The following SAMD5 variants were observed in gnomAD, a reference collection of about 807,000 sequenced individuals.
SAMD5 encodes the protein sterile alpha motif domain-containing protein 5.
SAMD5 carries 13 observed loss-of-function variants against 11.3 expected under a neutral mutation model. The observed-to-expected ratio is 1.15, with a 90% CI of 0.75 to 1.83. The LOEUF is 1.83. SAMD5 is among the 40% of genes most tolerant of loss of function. The probability of loss-of-function intolerance (pLI) is 0.00; values close to 1 mark genes in which losing one functional copy is unlikely to be tolerated. For missense variants in SAMD5, 255 were observed against 239.1 expected (o/e 1.07, Z -0.44); for synonymous variants, 129 against 111.3 (o/e 1.16, Z -1.00).
chr6:147,707,356 C>G (rs1791338071), intron 1 of SAMD5, among the ~76,000 whole-genome samples: 1 of 152,102 alleles, frequency 6.6e-6, no homozygotes, highest in Admixed American at 6.6e-5. Flanking sequence ...AGCATGTTTA[C>G]AGAGTTTGTA....
the SAMD5 span, chr6:147,953,739 A>T: frequency 6.6e-6 from 1 of 152,186 alleles, no homozygotes; most frequent in African/African-American, 2.4e-5. Context: ...GTAATGTGTA[A>T]AAGTTTTCAA....
chr6:147,559,228 A>G (rs1477995797), intron 1 of SAMD5, among the ~76,000 whole-genome samples: 1 of 152,208 alleles, frequency 6.6e-6, no homozygotes, highest in East Asian at 1.9e-4. Flanking sequence ...TCTTTTGTGT[A>G]GGAAGTTGGC....
chr6:147,932,313 A>G, the SAMD5 span, among the ~76,000 whole-genome samples: 72 of 152,254 alleles, frequency 4.7e-4, no homozygotes, highest in Non-Finnish European at 1.2e-4. Context: ...AGGGGGTTCC[A>G]GCTGATCATG....
chr6:147,953,303 T>C, the SAMD5 span: 1 of 152,198 alleles, frequency 6.6e-6, no homozygotes, highest in African/African-American at 2.4e-5. Flanking sequence ...GTTTTTTTTT[T>C]TCTCTTTCTT....
At chr6:147,644,106 C>T (rs1790359293) in intron 1 of SAMD5, among the ~76,000 whole-genome samples, 1 of 152,170 alleles carries the variant, frequency 6.6e-6, no homozygotes, top group African/African-American at 2.4e-5. Context: ...TTTTACCTTC[C>T]ATGAAATTAT....
the SAMD5 span, among the ~76,000 whole-genome samples, chr6:147,793,707 T>G: frequency 0.034 from 5,122 of 152,278 alleles, 105 homozygotes; most frequent in Middle Eastern, 0.051. Flanking sequence ...GGTGAATACA[T>G]ACATTTTTAT....
the SAMD5 span, among the ~76,000 whole-genome samples, chr6:147,851,390 A>T: frequency 7.9e-5 from 12 of 152,228 alleles, no homozygotes; most frequent in African/African-American, 2.9e-4. Flanking sequence ...ATCCACTGGC[A>T]GTCTTAGAAC....
intron 1 of SAMD5, among the ~76,000 whole-genome samples, chr6:147,608,393 T>A (rs1376706897): frequency 6.6e-6 from 1 of 152,224 alleles, no homozygotes; most frequent in Non-Finnish European, 1.5e-5. Context: ...GCAACCTAAG[T>A]GTCCATCAGC....
intron 1 of SAMD5, among the ~76,000 whole-genome samples, chr6:147,723,007 A>G (rs1583153887): frequency 6.6e-6 from 1 of 151,722 alleles, no homozygotes; most frequent in Non-Finnish European, 1.5e-5. Flanking sequence ...TAGTGTTTCT[A>G]CTCCATCCTT....
At chr6:147,742,456 G>T (rs1244401886), downstream of SAMD5, among the ~76,000 whole-genome samples, 1 of 152,258 alleles carries the variant, frequency 6.6e-6, no homozygotes, top group Non-Finnish European at 1.5e-5. Flanking sequence ...ATCCTGGTAG[G>T]ATATACGTAC....
In SAMD5 at chr6:147,509,167, C is replaced by G; in HGVS notation, c.239C>G (p.Pro80Arg). The G allele has an allele frequency of 3.0e-6, 4 of 1,353,612 alleles. No individual in the cohort carries two copies. Among genetic ancestry groups the G allele is most frequent in the Non-Finnish European group, 3.8e-6 (4 of 1,053,626 alleles). The allele number at this position is 1,353,612 out of a possible 1,614,324, so 83.9% of individuals were successfully genotyped here. ...AGLYFTLEPQ[P>R]APPGPPADAV... ...CTCTACTTCACGCTTGAGCCGCAGCCGGCGCCCCCCGGGCCGCCCGCCGAC... is the reference window on the plus strand; with the variant it reads ...CTCTACTTCACGCTTGAGCCGCAGCGGGCGCCCCCCGGGCCGCCCGCCGAC... The change falls in exon 1 of 2, where the codon CCG becomes CGG. Residue 80 changes from proline (P) to arginine (R), a missense_variant. Transcript: ENST00000367474.
the SAMD5 span, among the ~76,000 whole-genome samples, chr6:147,929,345 G>T: frequency 6.6e-6 from 1 of 152,110 alleles, no homozygotes; most frequent in African/African-American, 2.4e-5. Flanking sequence ...GCCACATAAT[G>T]GTTGGCCAAG....
chr6:147,731,376 A>G (rs935271430), intron 1 of SAMD5, among the ~76,000 whole-genome samples: 2 of 152,208 alleles, frequency 1.3e-5, no homozygotes, highest in African/African-American at 4.8e-5. Context: ...GAAGGTTAAT[A>G]TATATAGAAA....
chr6:147,953,354 C>T, the SAMD5 span: 4 of 151,324 alleles, frequency 2.6e-5, no homozygotes, highest in East Asian at 5.8e-4. Context: ...GAAATTCTGT[C>T]AGGAAAAATA....
chr6:147,817,515 T>C, the SAMD5 span, among the ~76,000 whole-genome samples: 4 of 152,234 alleles, frequency 2.6e-5, no homozygotes, highest in African/African-American at 9.6e-5. Context: ...AAACAGTCCT[T>C]TCTTTCATGA....
At chr6:147,573,348 C>T (rs1406628599), downstream of SAMD5, among the ~76,000 whole-genome samples, 3 of 152,182 alleles carry the variant, frequency 2.0e-5, no homozygotes, top group African/African-American at 4.8e-5. Flanking sequence ...AAAGCAAGGA[C>T]TCACAGGGTG....
chr6:147,833,692 GT>G, the SAMD5 span, among the ~76,000 whole-genome samples: 1 of 152,042 alleles, frequency 6.6e-6, no homozygotes, highest in Non-Finnish European at 1.5e-5. Context: ...TGTAAACATA[GT>G]TTTAACATAA....
chr6:147,834,427 T>G, the SAMD5 span, among the ~76,000 whole-genome samples: 3 of 152,188 alleles, frequency 2.0e-5, no homozygotes, highest in African/African-American at 4.8e-5. Context: ...GTGTAGCCAT[T>G]TGAAAGAATC....
chr6:147,671,310 G>A (rs895397352), intron 1 of SAMD5, among the ~76,000 whole-genome samples: 1 of 152,188 alleles, frequency 6.6e-6, no homozygotes, highest in African/African-American at 2.4e-5. Context: ...CACAAAGTGA[G>A]CACATGCTGT....
Sources: allele counts gnomAD v4.1 joint callset (sites outside exome capture counted in the v4.1 genomes callset), GRCh38; gene constraint gnomAD v4.1.1; transcripts MANE v1.5; gene names NCBI Gene and HGNC (gene_info 2026-07-23, HGNC 2026-07-21).